GALNT17: variants seen among roughly 807,000 people sequenced by gnomAD.
GALNT17 encodes polypeptide N-acetylgalactosaminyltransferase 17, also known as UDP-GalNAc:polypeptide N-acetylgalactosaminyltransferase-like 3.
GALNT17 carries 29 observed loss-of-function variants against 63.7 expected under a neutral mutation model. The observed-to-expected ratio is 0.46, with a 90% confidence interval of 0.34 to 0.62. The LOEUF is 0.62. Ranked by LOEUF, GALNT17 falls within the 20% of genes least tolerant of loss-of-function variation. The pLI is 0.01. For missense variants in GALNT17, 603 were observed against 799.6 expected, an observed-to-expected ratio of 0.75 and a Z score of 2.97; for synonymous variants, 305 against 318.3, an observed-to-expected ratio of 0.96 and a Z score of 0.45.
chr7:71,496,927 A>C (rs960840571), intron 5 of GALNT17, among the ~76,000 whole-genome samples: 3 of 151,832 alleles, frequency 2.0e-5, no homozygotes, highest in Admixed American at 1.3e-4. Flanking sequence ...TAAAAAAAAA[A>C]AATAACCAAG....
chr7:71,651,427 TG>T, intron 6 of GALNT17, among the ~76,000 whole-genome samples: 1 of 151,874 alleles, frequency 6.6e-6, no homozygotes, highest in South Asian at 2.1e-4. Flanking sequence ...CTCAGACTCC[TG>T]GGTAGCTGGG....
chr7:71,248,236 G>A (rs772374813), intron 1 of GALNT17, among the ~76,000 whole-genome samples: 3 of 152,152 alleles, frequency 2.0e-5, no homozygotes, highest in Non-Finnish European at 2.9e-5. Context: ...ATGAGATCTC[G>A]TGAGAACTCA....
At chr7:71,353,766 G>A (rs1226530984) in intron 2 of GALNT17, among the ~76,000 whole-genome samples, 1 of 152,174 alleles carries the variant, frequency 6.6e-6, no homozygotes, top group Non-Finnish European at 1.5e-5. Context: ...CTCATTACTG[G>A]TGGTGATAAT....
intron 8 of GALNT17, 140 bp from the exon 9 acceptor site, chr7:71,677,070 AT>A (rs1791161524): frequency 1.2e-6 from 1 of 811,966 alleles, no homozygotes; most frequent in Non-Finnish European, 2.1e-6. Flanking sequence ...CACCGCAAAG[AT>A]TTGAGCCCTG....
chr7:71,520,911 G>T (rs889826623), intron 5 of GALNT17, among the ~76,000 whole-genome samples: 1 of 152,238 alleles, frequency 6.6e-6, no homozygotes, highest in South Asian at 2.1e-4. Context: ...GTTTTATTGA[G>T]TGGCAAATGA....
intron 6 of GALNT17, among the ~76,000 whole-genome samples, chr7:71,629,098 C>A (rs529710822): frequency 3.3e-5 from 5 of 152,110 alleles, no homozygotes; most frequent in African/African-American, 9.6e-5. Context: ...GAGGAGTTGG[C>A]TGGTGGAGAA....
Position 71,434,869 on chromosome 7 carries a change from A to T in GALNT17, c.962+13764A>T, listed in dbSNP as rs1786930053. On this transcript the variant is annotated intron_variant, in intron 5 of 10. Transcript: ENST00000333538. ...TAGAATTCTACTACAGAAGCAAGAC[A>T]TGGAGAGATAGATGGTAAAAAACAA... 2.0e-5 allele frequency among the ~76,000 whole-genome samples: 3 copies of T among 152,346 alleles called. No individual in the cohort carries two copies. In the South Asian group the frequency reaches 6.2e-4, roughly 32 times the overall value.
Position 71,388,165 on chromosome 7 carries a change from T to C in GALNT17, c.423-70T>C. The C allele has an allele frequency of 7.9e-6, 12 of 1,520,184 alleles. No individual in the cohort carries two copies. In the South Asian group the frequency reaches 1.5e-4, roughly 19 times the overall value. The allele number at this position is 1,520,184 out of a possible 1,614,324, so 94.2% of individuals were successfully genotyped here. Reference sequence around the variant, plus strand: ...TGAGGATTCGGCTGAAATCTTACACTATGTCCAGCTGCAGTGCCTGAGCTT... The same window carrying C: ...TGAGGATTCGGCTGAAATCTTACACCATGTCCAGCTGCAGTGCCTGAGCTT... On this transcript the variant is annotated intron_variant, in intron 2 of 10. Coordinates refer to ENST00000333538, the MANE Select transcript of GALNT17 (RefSeq NM_022479.3).
At chr7:71,510,548 C>T (rs914891744) in intron 5 of GALNT17, among the ~76,000 whole-genome samples, 1 of 152,092 alleles carries the variant, frequency 6.6e-6, no homozygotes, top group African/African-American at 2.4e-5. Context: ...AGGTCATAAT[C>T]GCTGGGAGAA....
intron 6 of GALNT17, among the ~76,000 whole-genome samples, chr7:71,654,268 C>A (rs1385527340): frequency 6.6e-6 from 1 of 152,162 alleles, no homozygotes. Flanking sequence ...CGCCTCCAGC[C>A]TTGTGATCGG....
At chr7:71,669,237 C>T (rs531492186) in intron 7 of GALNT17, among the ~76,000 whole-genome samples, 1 of 152,152 alleles carries the variant, frequency 6.6e-6, no homozygotes, top group South Asian at 2.1e-4. Context: ...CCCTTCTGGC[C>T]GGGTGCAGTG....
chr7:71,391,537 C>CA (rs1380228950), intron 3 of GALNT17, among the ~76,000 whole-genome samples: 1 of 152,122 alleles, frequency 6.6e-6, no homozygotes, highest in African/African-American at 2.4e-5. Flanking sequence ...GGCTGGAGTG[C>CA]GGTGGTGCGA....
chr7:71,244,820 C>G, intron 1 of GALNT17, among the ~76,000 whole-genome samples: 1 of 152,026 alleles, frequency 6.6e-6, no homozygotes, highest in East Asian at 1.9e-4. Flanking sequence ...CATGGTGGTG[C>G]ACACCTGTAG....
intron 5 of GALNT17, among the ~76,000 whole-genome samples, chr7:71,550,547 AT>A (rs931589864): frequency 6.6e-6 from 1 of 151,918 alleles, no homozygotes; most frequent in Admixed American, 6.6e-5. Context: ...TGCCCAGCTA[AT>A]TTTTTTGTAT....
chr7:71,432,067 C>T (rs1178876189), intron 5 of GALNT17, among the ~76,000 whole-genome samples: 1 of 151,958 alleles, frequency 6.6e-6, no homozygotes, highest in African/African-American at 2.4e-5. Context: ...TCCAGCTACT[C>T]GGGAAGCTGA....
At chr7:71,691,891 C>CCTTG (rs1791449386) in intron 9 of GALNT17, among the ~76,000 whole-genome samples, 1 of 150,208 alleles carries the variant, frequency 6.7e-6, no homozygotes, top group South Asian at 2.1e-4. Context: ...TTCCTTTCTT[C>CCTTG]CTTCCTTTCT....
intron 2 of GALNT17, among the ~76,000 whole-genome samples, chr7:71,363,114 G>A (rs1792437265): frequency 1.3e-5 from 2 of 151,858 alleles, no homozygotes; most frequent in Admixed American, 6.6e-5. Flanking sequence ...TTGCAGGCAC[G>A]CACCACGATG....
intron 5 of GALNT17, among the ~76,000 whole-genome samples, chr7:71,520,023 G>A (rs760087501): frequency 1.1e-4 from 16 of 152,152 alleles, no homozygotes; most frequent in Non-Finnish European, 1.8e-4. Flanking sequence ...TATGTGCTGA[G>A]CTTCACAGAG....
chr7:71,460,129 T>A (rs1787427061), intron 5 of GALNT17, among the ~76,000 whole-genome samples: 1 of 152,134 alleles, frequency 6.6e-6, no homozygotes, highest in South Asian at 2.1e-4. Flanking sequence ...TAGGACCCCC[T>A]GAGGGCTGTG....
Sources: allele counts gnomAD v4.1 joint callset (sites outside exome capture counted in the v4.1 genomes callset), GRCh38; gene constraint gnomAD v4.1.1; transcripts MANE v1.5; gene names NCBI Gene and HGNC (gene_info 2026-07-23, HGNC 2026-07-21).